GMNN: variants seen among roughly 807,000 people sequenced by gnomAD.
GMNN encodes geminin.
A neutral mutation model predicts 20.9 loss-of-function variants in GMNN; 14 were observed. The observed-to-expected ratio is 0.67, with a 90% CI of 0.44 to 1.05. The LOEUF is 1.05. Among genes scored for constraint, GMNN ranks in the 50% least tolerant of loss-of-function variants. The pLI is 0.00. For synonymous variants in GMNN, 81 were observed against 85.8 expected (o/e 0.94, Z 0.31); for missense variants, 227 against 243.8 (o/e 0.93, Z 0.46).
At position 24,777,317 on chromosome 6, in the gene GMNN, T is replaced by C; in HGVS notation, c.51+20T>C. The C allele has an allele frequency of 1.0e-6, 1 of 987,660 alleles. No homozygotes were observed. 61.2% of individuals were successfully genotyped at this position (987,660 alleles called of 1,614,324 possible). ...ATAAAGGTATGTGATTGAATAACTT[T>C]AATTTTTTTTTGTAGAAAGCATGGG... On this transcript the variant is annotated intron_variant, in intron 2 of 6. Transcript: ENST00000230056.
rs2113578699 is a variant in GMNN, at chr6:24,781,518, C to G, written c.171C>G (p.His57Gln). 1 of 1,595,342 alleles carries G rather than the reference C, an allele frequency of 6.3e-7. No homozygotes were observed. Among genetic ancestry groups the G allele is most frequent in the Non-Finnish European group, 8.6e-7 (1 of 1,165,954 alleles). Reference protein sequence around the residue: ...GLSKRKHRNDHLTSTTSSPGV... With the variant: ...GLSKRKHRNDQLTSTTSSPGV... The stretch of plus-strand genomic sequence containing the variant: ...CCAAAAGGAAACATCGGAATGACCA[C>G]TTAACATCTACAACTTCCAGCCCTG... The change falls in exon 4 of 7, where the codon CAC becomes CAG. Residue 57 changes from histidine to glutamine, a missense_variant. Transcript: ENST00000230056.
chr6:24,777,073 T>C (rs1780091678), intron 1 of GMNN, 149 bp from the exon 2 acceptor site: 1 of 402,712 alleles, frequency 2.5e-6, no homozygotes. Flanking sequence ...TTAACTTTAG[T>C]CACCTTAGTC....
intron 5 of GMNN, 43 bp from the exon 6 acceptor site, chr6:24,784,401 A>T (rs555701797): frequency 1.1e-6 from 1 of 903,972 alleles, no homozygotes; most frequent in East Asian, 2.4e-5. Flanking sequence ...GATTTATAGC[A>T]TAGCAAATCT....
In GMNN at chr6:24,777,268, A is replaced by G. The variant is rs762846592; in HGVS notation, c.22A>G (p.Lys8Glu). 7.1e-7 allele frequency: 1 copy of G among 1,411,010 alleles called. No homozygotes were observed. Among genetic ancestry groups the G allele is most frequent in the Non-Finnish European group, 9.8e-7 (1 of 1,023,148 alleles). 87.4% of individuals were successfully genotyped at this position (1,411,010 alleles called of 1,614,324 possible). The change falls in exon 2 of 7, where the codon AAA (lysine) becomes GAA (glutamate). Residue 8 changes from lysine (K) to glutamate (E), a missense_variant. Transcript: ENST00000230056. The stretch of plus-strand genomic sequence containing the variant: ...CATAATGAATCCCAGTATGAAGCAG[A>G]AACAAGAAGAAATCAAAGAGAATAT... The part of the protein sequence containing the change: MNPSMKQ[K>E]QEEIKENIKN...
intron 2 of GMNN, among the ~76,000 whole-genome samples, chr6:24,780,183 G>C (rs1264882717): frequency 7.9e-5 from 12 of 152,176 alleles, no homozygotes; most frequent in Admixed American, 7.2e-4. Flanking sequence ...TTTTATAAAA[G>C]AGTACCTGTA....
At chr6:24,784,584 A>G in intron 6 of GMNN, 30 bp downstream of exon 6, 3 of 916,692 alleles carry the variant, frequency 3.3e-6, no homozygotes, top group Non-Finnish European at 5.4e-6. Context: ...TCTGGTTCAA[A>G]TTTATGTATT....
intron 4 of GMNN, among the ~76,000 whole-genome samples, chr6:24,782,919 C>A (rs1780255999): frequency 6.6e-6 from 1 of 151,058 alleles, no homozygotes. Context: ...TATTTTAGGA[C>A]TGAGCAAATG....
intron 4 of GMNN, among the ~76,000 whole-genome samples, chr6:24,783,784 T>C (rs1780279028): frequency 6.6e-6 from 1 of 152,050 alleles, no homozygotes; most frequent in African/African-American, 2.4e-5. Flanking sequence ...GATCTGGACT[T>C]TGTAAAAATG....
In GMNN at chr6:24,780,750, A is replaced by G. The variant is rs1217182461; in HGVS notation, c.129+10A>G. The G allele has an allele frequency of 3.6e-6, 5 of 1,387,518 alleles. No individual in the cohort carries two copies. Among genetic ancestry groups the G allele is most frequent in the Non-Finnish European group, 5.1e-6 (5 of 973,190 alleles). 86.0% of individuals were successfully genotyped at this position (1,387,518 alleles called of 1,614,324 possible). On this transcript the variant is annotated intron_variant, in intron 3 of 6. Coordinates refer to ENST00000230056, the MANE Select transcript of GMNN (RefSeq NM_015895.5). The stretch of plus-strand genomic sequence containing the variant: ...TGGAAGAGAAAATGAGGTATGCACT[A>G]TATGGCTAAAATGGGGTACTGGTGA...
intron 3 of GMNN, among the ~76,000 whole-genome samples, chr6:24,781,166 T>G (rs1780205070): frequency 6.6e-6 from 1 of 151,966 alleles, no homozygotes; most frequent in Non-Finnish European, 1.5e-5. Context: ...GTCACACCAC[T>G]GCACTCCAGC....
rs201832727 is a variant in GMNN at position 24,784,119 on chromosome 6, G to T, written c.307G>T (p.Ala103Ser). 12 of 1,523,404 alleles carry T rather than the reference G, an allele frequency of 7.9e-6. No individual in the cohort carries two copies. The East Asian group carries it at 2.5e-4, about 32-fold the overall frequency. 94.4% of individuals were successfully genotyped at this position (1,523,404 alleles called of 1,614,324 possible). ...ATCCTCTCAGTATTGGAAGGAAGTG[G>T]CAGAAAAACGGAGAAAGGCGCTGTA... ...NPSSQYWKEV[A>S]EKRRKALYEA... Residue 103 changes from alanine (A) to serine (S), a missense_variant, in exon 5 of 7, where the codon GCA (alanine) becomes TCA (serine). Ala to Ser is a moderately conservative substitution (Grantham distance 99). Transcript: ENST00000230056.
chr6:24,780,142 G>A (rs1780169763), intron 2 of GMNN, among the ~76,000 whole-genome samples: 1 of 152,178 alleles, frequency 6.6e-6, no homozygotes, highest in Non-Finnish European at 1.5e-5. Flanking sequence ...CCTGTTTGGT[G>A]AGTTCATACC....
rs1387517750 is a variant in GMNN at position 24,781,639 on chromosome 6, A to T, written c.274+18A>T. On this transcript the variant is annotated intron_variant, in intron 4 of 6. Coordinates refer to ENST00000230056, the MANE Select transcript of GMNN (RefSeq NM_015895.5). ...GATTAAAGGTATGAAAAAATAGATA[A>T]CTTTTGTCTTAATTTTAAATTATGA... The T allele has an allele frequency of 8.7e-6, 11 of 1,266,278 alleles. No homozygotes were observed. The highest frequency in any genetic ancestry group is 3.2e-6 in the Non-Finnish European group (3 of 934,504). 78.4% of individuals were successfully genotyped at this position (1,266,278 alleles called of 1,614,324 possible).
Position 24,781,583 on chromosome 6 carries a change from G to A in GMNN, c.236G>A (p.Gly79Glu), listed in dbSNP as rs754589141. The A allele has an allele frequency of 6.5e-7, 1 of 1,549,270 alleles. No individual in the cohort carries two copies. Among genetic ancestry groups the A allele is most frequent in the South Asian group, 1.2e-5 (1 of 84,490 alleles). Reference protein sequence around the residue: ...VPESSENKNLGGVTQESFDLM... With the variant: ...VPESSENKNLEGVTQESFDLM... Reference sequence around the variant, plus strand: ...GAATCTAGTGAAAATAAAAATCTTGGAGGAGTCACCCAGGAGTCATTTGAT... The same window carrying A: ...GAATCTAGTGAAAATAAAAATCTTGAAGGAGTCACCCAGGAGTCATTTGAT... Residue 79 changes from glycine (G) to glutamate (E), a missense_variant, in exon 4 of 7, where the codon GGA becomes GAA. Gly to Glu is a moderately conservative substitution (Grantham distance 98). Coordinates refer to ENST00000230056, the MANE Select transcript of GMNN (RefSeq NM_015895.5).
intron 4 of GMNN, among the ~76,000 whole-genome samples, chr6:24,783,490 C>T (rs1780271504): frequency 1.3e-5 from 2 of 152,022 alleles, no homozygotes; most frequent in Admixed American, 1.3e-4. Flanking sequence ...AGGGTATTGA[C>T]ACAGTCTCAA....
At position 24,781,590 on chromosome 6, in the gene GMNN, C is replaced by G; in HGVS notation, c.243C>G (p.Val81=). The G allele has an allele frequency of 6.5e-7, 1 of 1,528,658 alleles. No individual in the cohort carries two copies. The highest frequency in any genetic ancestry group is 8.9e-7 in the Non-Finnish European group (1 of 1,122,034). The allele number at this position is 1,528,658 out of a possible 1,614,324, so 94.7% of individuals were successfully genotyped here. The change falls in exon 4 of 7, where the codon GTC becomes GTG. Residue 81 remains valine, a synonymous_variant. Coordinates refer to ENST00000230056, the MANE Select transcript of GMNN (RefSeq NM_015895.5). ...GTGAAAATAAAAATCTTGGAGGAGT[C>G]ACCCAGGAGTCATTTGATCTTATGA... The part of the protein sequence containing the change: ...ESSENKNLGG[V]TQESFDLMIK...
rs377097389 is a variant in GMNN, at chr6:24,781,513, G to A, written c.166G>A (p.Asp56Asn). The A allele has an allele frequency of 1.3e-5, 21 of 1,596,772 alleles. No homozygotes were observed. The African/African-American group carries it at 2.6e-4, about 20-fold the overall frequency. The change falls in exon 4 of 7, where the codon GAC becomes AAC. Residue 56 changes from aspartate (D) to asparagine (N), a missense_variant. By Grantham distance (23) the Asp-to-Asn change is conservative (BLOSUM62 1). Coordinates refer to ENST00000230056, the MANE Select transcript of GMNN (RefSeq NM_015895.5). ...AGLSKRKHRN[D>N]HLTSTTSSPG... ...CTTGTCCAAAAGGAAACATCGGAAT[G>A]ACCACTTAACATCTACAACTTCCAG...
At position 24,781,635 on chromosome 6, in the gene GMNN, G is replaced by C; in HGVS notation, c.274+14G>C. The C allele has an allele frequency of 7.7e-7, 1 of 1,293,098 alleles. No homozygotes were observed. The highest frequency in any genetic ancestry group is 1.0e-6 in the Non-Finnish European group (1 of 957,240). The allele number at this position is 1,293,098 out of a possible 1,614,324, so 80.1% of individuals were successfully genotyped here. Reference sequence around the variant, plus strand: ...TTATGATTAAAGGTATGAAAAAATAGATAACTTTTGTCTTAATTTTAAATT... The same window carrying C: ...TTATGATTAAAGGTATGAAAAAATACATAACTTTTGTCTTAATTTTAAATT... On this transcript the variant is annotated intron_variant, in intron 4 of 6. Coordinates refer to ENST00000230056, the MANE Select transcript of GMNN (RefSeq NM_015895.5).
chr6:24,779,501 A>C (rs1359393992), intron 2 of GMNN, among the ~76,000 whole-genome samples: 2 of 152,166 alleles, frequency 1.3e-5, no homozygotes, highest in African/African-American at 4.8e-5. Context: ...TCTATAATCT[A>C]AATTATATCT....
Sources: gnomAD v4.1 joint callset for allele counts (sites outside exome capture counted in the v4.1 genomes callset) on GRCh38, gnomAD v4.1.1 for gene constraint, MANE v1.5 for transcripts, NCBI Gene and HGNC (gene_info 2026-07-23, HGNC 2026-07-21) for gene names.